RBFOX1: variants seen among roughly 807,000 people sequenced by gnomAD.
The protein encoded by RBFOX1 is RNA binding protein fox-1 homolog 1.
RBFOX1 carries 8 observed loss-of-function variants against 57.7 expected under a neutral mutation model. The ratio of observed to expected loss-of-function variants is 0.14; its 90% confidence interval spans 0.08 to 0.25. The LOEUF is 0.25. RBFOX1 is among the 10% of genes least tolerant of loss of function. The pLI, the probability that RBFOX1 is intolerant of heterozygous loss-of-function variation, is 1.00. For missense variants in RBFOX1, 611 were observed against 548.5 expected (o/e 1.11, Z -1.14); for synonymous variants, 326 against 222.4 (o/e 1.47, Z -4.15).
chr16:6,285,173 T>G (rs991759338), intron 1 of RBFOX1, among the ~76,000 whole-genome samples: 2 of 152,134 alleles, frequency 1.3e-5, no homozygotes, highest in Non-Finnish European at 2.9e-5. Flanking sequence ...TGGCCCTGGA[T>G]AGGGGAGAAA....
chr16:6,237,853 G>A (rs2097517793), intron 1 of RBFOX1, among the ~76,000 whole-genome samples: 1 of 151,978 alleles, frequency 6.6e-6, no homozygotes, highest in African/African-American at 2.4e-5. Flanking sequence ...CAGCACTTTG[G>A]GAGGCCAAGG....
intron 13 of RBFOX1, among the ~76,000 whole-genome samples, chr16:7,669,073 C>A (rs2070468432): frequency 6.6e-6 from 1 of 152,078 alleles, no homozygotes; most frequent in Admixed American, 6.5e-5. Context: ...CCCAGCTAAT[C>A]CATGTATTTT....
rs145069084 is a variant in RBFOX1 at position 6,285,858 on chromosome 16, A to G, written c.-126-31137A>G. Among the ~76,000 whole-genome samples, 41 of 152,290 alleles carry G rather than the reference A, an allele frequency of 2.7e-4. No homozygotes were observed. The East Asian group carries it at 7.1e-3, about 27-fold the overall frequency. ...AGCATCTTATTTACATTGATGGCCC[A>G]TTAACACAACATGTAACCCAAGAAG... On this transcript the variant is annotated intron_variant, in intron 1 of 15. Coordinates refer to ENST00000550418, the MANE Select transcript of RBFOX1 (RefSeq NM_018723.4).
chr16:7,554,464 A>C (rs3826223), intron 5 of RBFOX1, among the ~76,000 whole-genome samples: 1 of 152,084 alleles, frequency 6.6e-6, no homozygotes, highest in African/African-American at 2.4e-5. Flanking sequence ...AACAGAGAAA[A>C]CCAAATTCCC....
intron 4 of RBFOX1, among the ~76,000 whole-genome samples, chr16:7,203,477 C>T (rs532424904): frequency 2.0e-5 from 3 of 152,086 alleles, no homozygotes; most frequent in African/African-American, 2.4e-5. Context: ...GGTTGCATAA[C>T]AATATAAATA....
intron 1 of RBFOX1, among the ~76,000 whole-genome samples, chr16:6,303,320 T>C (rs2079045001): frequency 6.7e-6 from 1 of 149,308 alleles, no homozygotes; most frequent in South Asian, 2.2e-4. Flanking sequence ...TGGAGTCCAG[T>C]ACGTATTAAA....
chr16:6,701,551 A>C (rs530920181), intron 3 of RBFOX1, among the ~76,000 whole-genome samples: 1 of 152,126 alleles, frequency 6.6e-6, no homozygotes. Flanking sequence ...GGAAGCTTCT[A>C]TTTCTGGTGG....
At chr16:6,105,613 A>G (rs2096369001) in intron 1 of RBFOX1, among the ~76,000 whole-genome samples, 1 of 151,824 alleles carries the variant, frequency 6.6e-6, no homozygotes, top group Non-Finnish European at 1.5e-5. Flanking sequence ...CTTTTATTTT[A>G]TTTTATTTTT....
chr16:6,843,710 AAAAAAG>A (rs1201460303), intron 3 of RBFOX1, among the ~76,000 whole-genome samples: 1 of 152,098 alleles, frequency 6.6e-6, no homozygotes, highest in Non-Finnish European at 1.5e-5. Flanking sequence ...GTAAAATTAT[AAAAAAG>A]CTTTACAGGT....
At chr16:6,580,133 G>A (rs1350626702) in intron 2 of RBFOX1, among the ~76,000 whole-genome samples, 1 of 151,716 alleles carries the variant, frequency 6.6e-6, no homozygotes, top group African/African-American at 2.4e-5. Flanking sequence ...TAACTTTTGT[G>A]TTTTTAGAAG....
rs76147420 is a variant in RBFOX1, at chr16:5,562,962, A to T, written c.259-35940A>T. Among the ~76,000 whole-genome samples, 1,370 of 152,092 alleles carry T rather than the reference A, an allele frequency of 9.0e-3. 17 individuals are homozygous for T. The highest frequency in any genetic ancestry group is 0.031 in the African/African-American group (1,273 of 41,496). Reference sequence around the variant, plus strand: ...TGTAAAATAGGGCTGTATTATTATTATTATTGAAATGGAGTCTCGCTTTGT... The same window carrying T: ...TGTAAAATAGGGCTGTATTATTATTTTTATTGAAATGGAGTCTCGCTTTGT... On this transcript the variant is annotated intron_variant, in intron 2 of 2. Transcript: ENST00000585867.
At chr16:6,993,145 C>G (rs74010429) in intron 3 of RBFOX1, among the ~76,000 whole-genome samples, 5,606 of 152,226 alleles carry the variant, frequency 0.037, 363 homozygotes, top group African/African-American at 0.13. Flanking sequence ...TGAACTGTAA[C>G]ACTGACTTTC....
intron 1 of RBFOX1, among the ~76,000 whole-genome samples, chr16:6,084,059 C>G (rs72772868): frequency 0.072 from 11,007 of 152,122 alleles, 561 homozygotes; most frequent in East Asian, 0.2. Flanking sequence ...CTACTCAACA[C>G]TTTTTGACCC....
Position 6,715,674 on chromosome 16 carries a change from G to A in RBFOX1, c.-16+61024G>A, listed in dbSNP as rs570549378. Among the ~76,000 whole-genome samples the A allele has an allele frequency of 1.8e-4, 28 of 152,288 alleles. No homozygotes were observed. The South Asian group carries it at 5.4e-3, about 29-fold the overall frequency. On this transcript the variant is annotated intron_variant, in intron 3 of 15. Coordinates refer to ENST00000550418, the MANE Select transcript of RBFOX1 (RefSeq NM_018723.4). ...AAGATACTTGGAAAACCCATTTCTT[G>A]AAGATGAAGCAGCCCACCTGGCCCA...
At chr16:7,107,836 A>G (rs2063886399) in intron 4 of RBFOX1, among the ~76,000 whole-genome samples, 1 of 152,126 alleles carries the variant, frequency 6.6e-6, no homozygotes, top group Non-Finnish European at 1.5e-5. Context: ...AACATCTCTA[A>G]CAATAACCTC....
At chr16:6,915,047 A>G (rs2072766504) in intron 3 of RBFOX1, among the ~76,000 whole-genome samples, 1 of 152,210 alleles carries the variant, frequency 6.6e-6, no homozygotes, top group Non-Finnish European at 1.5e-5. Flanking sequence ...TCCGTAGATG[A>G]AGGATGCAGA....
At chr16:5,641,153 A>G (rs540136373) in intron 3 of RBFOX1, among the ~76,000 whole-genome samples, 41 of 151,546 alleles carry the variant, frequency 2.7e-4, no homozygotes, top group African/African-American at 8.5e-4. Flanking sequence ...ATACACACAC[A>G]TGCATGTACA....
At chr16:5,977,364 C>T (rs1230133659) in intron 4 of RBFOX1, among the ~76,000 whole-genome samples, 1 of 152,168 alleles carries the variant, frequency 6.6e-6, no homozygotes, top group African/African-American at 2.4e-5. Flanking sequence ...CCAGAGACCG[C>T]TCCCTGCCCT....
rs144303344 is a variant in RBFOX1 at position 5,250,403 on chromosome 16, C to T, written c.219+10298C>T. Among the ~76,000 whole-genome samples the T allele has an allele frequency of 6.6e-3, 1,005 of 152,218 alleles. 9 individuals are homozygous for T. The highest frequency in any genetic ancestry group is 0.023 in the African/African-American group (938 of 41,528). ...AGCCCCGCATGCATTAGGTATTTGT[C>T]ATAACACTCTCCCTCCCCTTGTCCC... On this transcript the variant is annotated intron_variant, in intron 1 of 2. Transcript: ENST00000585867.
Sources: gnomAD v4.1 joint callset for allele counts (sites outside exome capture counted in the v4.1 genomes callset) on GRCh38, gnomAD v4.1.1 for gene constraint, MANE v1.5 for transcripts, NCBI Gene and HGNC (gene_info 2026-07-23, HGNC 2026-07-21) for gene names.